The following ADAM22 variants were observed in gnomAD, a reference collection of about 807,000 sequenced individuals.
The protein encoded by ADAM22 is ADAM metallopeptidase domain 22.
A neutral mutation model predicts 144.6 loss-of-function variants in ADAM22; 65 were observed. The observed-to-expected ratio is 0.45, with a 90% confidence interval of 0.37 to 0.55. The LOEUF (loss-of-function observed/expected upper bound fraction) is 0.55, where lower values mean the gene tolerates loss of function less well. ADAM22 is among the 20% of genes least tolerant of loss of function. The pLI, the probability that ADAM22 is intolerant of heterozygous loss-of-function variation, is 0.00. For synonymous variants in ADAM22, 391 were observed against 412.6 expected, an observed-to-expected ratio of 0.95 and a Z score of 0.63; for missense variants, 974 against 1,184.9, an observed-to-expected ratio of 0.82 and a Z score of 2.61.
intron 17 of ADAM22, among the ~76,000 whole-genome samples, chr7:88,147,030 A>G (rs566116017): frequency 4.6e-5 from 7 of 152,362 alleles, no homozygotes; most frequent in African/African-American, 1.7e-4. Flanking sequence ...AAGTCTGCCC[A>G]TCTACAAAAT....
In ADAM22 at chr7:87,934,262, C is replaced by A. The variant is rs908084271; in HGVS notation, c.-204C>A. The stretch of plus-strand genomic sequence containing the variant: ...CCGCCCAATGCAGCACTCGCTCGCT[C>A]CCCCCGCCAGCGGAAGCGTCCGCGA... On this transcript the variant is annotated 5_prime_UTR_variant, in exon 1 of 32. Coordinates refer to ENST00000413139, the MANE Select transcript of ADAM22 (RefSeq NM_001324418.2). 4.5e-5 allele frequency: 23 copies of A among 506,340 alleles called. No homozygotes were observed. The East Asian group carries it at 7.9e-4, about 17-fold the overall frequency. The allele number at this position is 506,340 out of a possible 1,614,324, so 31.4% of individuals were successfully genotyped here. A position where few individuals can be genotyped will look rare whatever the true frequency, so the allele number is the denominator to read the frequency against.
At chr7:88,104,895 G>C (rs1181107382) in intron 4 of ADAM22, among the ~76,000 whole-genome samples, 2 of 151,950 alleles carry the variant, frequency 1.3e-5, no homozygotes, top group Non-Finnish European at 2.9e-5. Context: ...CATTTGCCAC[G>C]TTAGGCTTTT....
intron 4 of ADAM22, among the ~76,000 whole-genome samples, chr7:88,087,487 A>G (rs1363316022): frequency 1.3e-5 from 2 of 152,198 alleles, no homozygotes; most frequent in Non-Finnish European, 2.9e-5. Flanking sequence ...CATAGTATGA[A>G]TTTTAGAAAA....
chr7:87,971,448 T>C (rs1406500843), intron 2 of ADAM22, among the ~76,000 whole-genome samples: 1 of 152,212 alleles, frequency 6.6e-6, no homozygotes, highest in Admixed American at 6.5e-5. Flanking sequence ...TCAGTGTCCC[T>C]AGTTATATAC....
chr7:88,108,243 C>T lies in ADAM22; in HGVS notation c.458C>T (p.Thr153Ile). 1 of 1,613,636 alleles carries T rather than the reference C, an allele frequency of 6.2e-7. No homozygotes were observed. Among genetic ancestry groups the T allele is most frequent in the Non-Finnish European group, 8.5e-7 (1 of 1,179,798 alleles). Residue 153 changes from threonine (T) to isoleucine (I), a missense_variant, in exon 5 of 32, where the codon ACA becomes ATA. Thr to Ile is a moderately conservative substitution (Grantham distance 89, BLOSUM62 -1). Transcript: ENST00000413139. ...CCTGACTCATTTGTTGCATTGTCAA[C>T]ATGCCACGGACTTCAGTAAGTGTTC... is the stretch of plus-strand genomic sequence containing the variant. ...GNPDSFVALS[T>I]CHGLHGMFYD...
intron 3 of ADAM22, among the ~76,000 whole-genome samples, chr7:88,051,798 T>TATATTATC (rs1806508803): frequency 1.3e-5 from 2 of 152,214 alleles, no homozygotes; most frequent in African/African-American, 4.8e-5. Context: ...TTAGCCTTTT[T>TATATTATC]ATATTATCAT....
intron 9 of ADAM22, among the ~76,000 whole-genome samples, chr7:88,129,535 G>C (rs1831245121): frequency 6.6e-6 from 1 of 152,020 alleles, no homozygotes; most frequent in Admixed American, 6.6e-5. Flanking sequence ...CTAGGTCTAA[G>C]TTTTATCTTT....
At chr7:88,147,185 T>G (rs1836760064) in intron 17 of ADAM22, among the ~76,000 whole-genome samples, 1 of 152,242 alleles carries the variant, frequency 6.6e-6, no homozygotes, top group Non-Finnish European at 1.5e-5. Context: ...AAGTTATAGC[T>G]GTACCAGTCA....
chr7:88,048,117 GATA>G (rs1805173657), intron 3 of ADAM22, among the ~76,000 whole-genome samples: 1 of 152,002 alleles, frequency 6.6e-6, no homozygotes, highest in Non-Finnish European at 1.5e-5. Flanking sequence ...TATTGAATCT[GATA>G]ATATTTGTGC....
chr7:88,026,203 A>G (rs553226938), intron 3 of ADAM22, among the ~76,000 whole-genome samples: 1 of 152,346 alleles, frequency 6.6e-6, no homozygotes, highest in Non-Finnish European at 1.5e-5. Flanking sequence ...TCATTGGCAC[A>G]TGGTTCCACA....
chr7:88,082,151 G>T (rs1006593891), intron 4 of ADAM22, among the ~76,000 whole-genome samples: 10 of 152,178 alleles, frequency 6.6e-5, no homozygotes, highest in Non-Finnish European at 1.2e-4. Context: ...ATAGACCAAT[G>T]GAACAGAACA....
chr7:88,105,621 C>G (rs1824165240), intron 4 of ADAM22, among the ~76,000 whole-genome samples: 1 of 152,140 alleles, frequency 6.6e-6, no homozygotes, highest in Admixed American at 6.5e-5. Flanking sequence ...AATAAACCAG[C>G]CTAGGGGAAA....
At chr7:88,123,326 AT>A (rs1444016933) in intron 7 of ADAM22, among the ~76,000 whole-genome samples, 1 of 151,890 alleles carries the variant, frequency 6.6e-6, no homozygotes, top group Non-Finnish European at 1.5e-5. Context: ...TAAAAGTGGT[AT>A]TATTTCTTCC....
rs115697709 is a variant in ADAM22 at position 88,139,630 on chromosome 7, G to A, written c.1221-3396G>A. Among the ~76,000 whole-genome samples, 57 of 152,204 alleles carry A rather than the reference G, an allele frequency of 3.7e-4. 1 individual carries two copies. Among genetic ancestry groups the A allele is most frequent in the African/African-American group, 1.3e-3 (55 of 41,542 alleles). On this transcript the variant is annotated intron_variant, in intron 14 of 31. Transcript: ENST00000413139. Reference sequence around the variant, plus strand: ...GATGGCTTGGTTGGTCACTTACTGGGTATCAACTTAATTATCATAACCAAG... The same window carrying A: ...GATGGCTTGGTTGGTCACTTACTGGATATCAACTTAATTATCATAACCAAG...
chr7:87,986,776 T>C (rs1788592843), intron 3 of ADAM22, among the ~76,000 whole-genome samples: 1 of 152,286 alleles, frequency 6.6e-6, no homozygotes, highest in Middle Eastern at 3.4e-3. Flanking sequence ...CTTTTAGATA[T>C]TTTTAGTATT....
intron 30 of ADAM22, among the ~76,000 whole-genome samples, chr7:88,192,697 C>A (rs996458754): frequency 1.2e-4 from 19 of 152,216 alleles, no homozygotes; most frequent in African/African-American, 4.1e-4. Flanking sequence ...ATTTTAAGAT[C>A]TTAAGAGAAA....
At chr7:87,973,846 C>A (rs755691906) in intron 2 of ADAM22, among the ~76,000 whole-genome samples, 5 of 151,934 alleles carry the variant, frequency 3.3e-5, no homozygotes, top group Admixed American at 6.6e-5. Context: ...GGACAAAAAA[C>A]CAAACACCGC....
At chr7:88,108,788 G>A (rs1825227718) in intron 5 of ADAM22, among the ~76,000 whole-genome samples, 1 of 151,636 alleles carries the variant, frequency 6.6e-6, no homozygotes, top group African/African-American at 2.4e-5. Context: ...GCAAAAGAAA[G>A]AAAAAATATA....
intron 3 of ADAM22, among the ~76,000 whole-genome samples, chr7:88,037,271 A>G (rs1246164031): frequency 2.0e-5 from 3 of 152,156 alleles, no homozygotes; most frequent in African/African-American, 7.2e-5. Flanking sequence ...ATATTTAACG[A>G]TGATGTTTTG....
Sources: gnomAD v4.1 joint callset for allele counts (sites outside exome capture counted in the v4.1 genomes callset) on GRCh38, gnomAD v4.1.1 for gene constraint, MANE v1.5 for transcripts, NCBI Gene and HGNC (gene_info 2026-07-23, HGNC 2026-07-21) for gene names.